The following TENM4 variants were observed in gnomAD, a reference collection of about 807,000 sequenced individuals.
The protein encoded by TENM4 is teneurin-4.
In TENM4, 82 loss-of-function variants were observed where a neutral mutation model predicts 243.3. The ratio of observed to expected loss-of-function variants is 0.34; its 90% CI spans 0.28 to 0.40. TENM4 has a LOEUF of 0.40. Among genes scored for constraint, TENM4 ranks in the 10% least tolerant of loss-of-function variants. The pLI, the probability that TENM4 is intolerant of heterozygous loss-of-function variation, is 1.00. For synonymous variants in TENM4, 1,412 were observed against 1,456.3 expected (o/e 0.97, Z 0.69); for missense variants, 3,138 against 3,673.3 (o/e 0.85, Z 3.77).
At chr11:78,720,795 C>G (rs775992440) in intron 24 of TENM4, among the ~76,000 whole-genome samples, 4 of 152,146 alleles carry the variant, frequency 2.6e-5, no homozygotes, top group Non-Finnish European at 5.9e-5. Context: ...AAGAGTTACC[C>G]AAATTTGGGT....
intron 1 of TENM4, among the ~76,000 whole-genome samples, chr11:79,321,945 G>A (rs1339826340): frequency 6.6e-6 from 1 of 152,154 alleles, no homozygotes; most frequent in Non-Finnish European, 1.5e-5. Flanking sequence ...AGATGAGGAT[G>A]TACCATGTCT....
At chr11:79,334,510 C>T (rs543473176) in intron 1 of TENM4, among the ~76,000 whole-genome samples, 2 of 152,216 alleles carry the variant, frequency 1.3e-5, no homozygotes, top group African/African-American at 2.4e-5. Flanking sequence ...CTTTCCATGG[C>T]TGCCCAGCAC....
chr11:78,829,065 G>A (rs2136141379), intron 12 of TENM4, among the ~76,000 whole-genome samples: 1 of 152,338 alleles, frequency 6.6e-6, no homozygotes, highest in East Asian at 1.9e-4. Context: ...GATGAAGACA[G>A]CCTGAGGGGC....
At chr11:79,333,275 A>T (rs1200962734) in intron 1 of TENM4, among the ~76,000 whole-genome samples, 1 of 152,128 alleles carries the variant, frequency 6.6e-6, no homozygotes, top group African/African-American at 2.4e-5. Flanking sequence ...ACCAACAAAC[A>T]TTCACTGAGA....
chr11:78,852,504 G>A (rs539725939), intron 12 of TENM4, among the ~76,000 whole-genome samples: 128 of 152,110 alleles, frequency 8.4e-4, no homozygotes, highest in Non-Finnish European at 1.6e-3. Context: ...GCAATGTGGT[G>A]AAACCTCATC....
chr11:79,070,279 A>G (rs1860378544), intron 4 of TENM4, among the ~76,000 whole-genome samples: 1 of 152,126 alleles, frequency 6.6e-6, no homozygotes, highest in South Asian at 2.1e-4. Context: ...CTGACAGCAA[A>G]GGCCAAAGGG....
At chr11:79,176,249 G>C (rs1863156537) in intron 3 of TENM4, among the ~76,000 whole-genome samples, 1 of 152,136 alleles carries the variant, frequency 6.6e-6, no homozygotes, top group African/African-American at 2.4e-5. Flanking sequence ...TCTCATTAAA[G>C]GTGGTTGCAT....
intron 12 of TENM4, among the ~76,000 whole-genome samples, chr11:78,835,567 A>T (rs1423636484): frequency 6.6e-6 from 1 of 152,082 alleles, no homozygotes; most frequent in Admixed American, 6.6e-5. Flanking sequence ...CAATAATCCT[A>T]CCACTGTAGG....
At chr11:78,972,586 C>A (rs1857570722) in intron 6 of TENM4, among the ~76,000 whole-genome samples, 1 of 152,178 alleles carries the variant, frequency 6.6e-6, no homozygotes, top group Non-Finnish European at 1.5e-5. Context: ...GGTTTTCACA[C>A]AGGGATGGCC....
At chr11:79,294,064 T>C (rs1856404116) in intron 2 of TENM4, among the ~76,000 whole-genome samples, 1 of 152,186 alleles carries the variant, frequency 6.6e-6, no homozygotes, top group African/African-American at 2.4e-5. Context: ...TTTCTCTTTG[T>C]CCCAGAGAGA....
At chr11:78,868,788 A>T (rs1209213743) in intron 9 of TENM4, among the ~76,000 whole-genome samples, 5 of 152,224 alleles carry the variant, frequency 3.3e-5, no homozygotes. Flanking sequence ...CAGCAGCTCC[A>T]GGGAGTGACT....
intron 9 of TENM4, among the ~76,000 whole-genome samples, chr11:78,889,198 G>A (rs1397939185): frequency 6.6e-6 from 1 of 152,184 alleles, no homozygotes; most frequent in Non-Finnish European, 1.5e-5. Context: ...CTCTGTGCTG[G>A]CTGGGACCTT....
At chr11:79,224,321 A>G (rs1455544107) in intron 2 of TENM4, among the ~76,000 whole-genome samples, 1 of 152,194 alleles carries the variant, frequency 6.6e-6, no homozygotes, top group African/African-American at 2.4e-5. Context: ...CGAGTTAGTC[A>G]TCGTTCCAGA....
intron 1 of TENM4, among the ~76,000 whole-genome samples, chr11:79,306,224 A>G (rs1286267700): frequency 6.6e-6 from 1 of 152,198 alleles, no homozygotes; most frequent in Non-Finnish European, 1.5e-5. Flanking sequence ...CTTTATGGTA[A>G]AAGAGACACA....
intron 2 of TENM4, among the ~76,000 whole-genome samples, chr11:79,284,058 C>G (rs376672691): frequency 7.9e-5 from 12 of 152,136 alleles, no homozygotes; most frequent in Middle Eastern, 3.4e-3. Context: ...TTAAAGCCGC[C>G]TTGAATAAAT....
chr11:78,999,979 T>C (rs1858273358), intron 6 of TENM4, among the ~76,000 whole-genome samples: 1 of 152,210 alleles, frequency 6.6e-6, no homozygotes, highest in African/African-American at 2.4e-5. Flanking sequence ...CATAAACTGT[T>C]GAAAGCCAAA....
intron 32 of TENM4, among the ~76,000 whole-genome samples, chr11:78,665,286 C>CT (rs1590922790): frequency 7.5e-6 from 1 of 132,666 alleles, no homozygotes; most frequent in African/African-American, 2.8e-5. Flanking sequence ...TCTTTCTTTC[C>CT]TTTTTTTGAC....
intron 1 of TENM4, among the ~76,000 whole-genome samples, chr11:79,344,362 A>G (rs1412702716): frequency 6.6e-6 from 1 of 152,168 alleles, no homozygotes; most frequent in African/African-American, 2.4e-5. Context: ...AGGAAGTCAG[A>G]GAAGGGAGTC....
intron 4 of TENM4, chr11:79,096,108 T>A (rs1161180447): frequency 6.6e-6 from 1 of 152,254 alleles, no homozygotes; most frequent in Non-Finnish European, 1.5e-5. Flanking sequence ...AACAGCTGTG[T>A]GACTTTCCAC....
Sources: gnomAD v4.1 joint callset for allele counts (sites outside exome capture counted in the v4.1 genomes callset) on GRCh38, gnomAD v4.1.1 for gene constraint, MANE v1.5 for transcripts, NCBI Gene and HGNC (gene_info 2026-07-23, HGNC 2026-07-21) for gene names.